RNF220: variants seen among roughly 807,000 people sequenced by gnomAD.
RNF220 encodes ring finger protein 220.
RNF220 carries 7 observed loss-of-function variants against 67.1 expected under a neutral mutation model. The ratio of observed to expected loss-of-function variants is 0.10; its 90% confidence interval spans 0.06 to 0.20. The LOEUF is 0.20. Ranked by LOEUF, RNF220 falls within the 10% of genes least tolerant of loss-of-function variation. The pLI is 1.00. For missense variants in RNF220, 565 were observed against 740.3 expected (o/e 0.76, Z 2.75); for synonymous variants, 270 against 283.2 (o/e 0.95, Z 0.47).
chr1:44,623,001 G>A (rs557496168), intron 4 of RNF220, among the ~76,000 whole-genome samples: 1 of 152,292 alleles, frequency 6.6e-6, no homozygotes, highest in Admixed American at 6.5e-5. Context: ...ATGAGTGAGA[G>A]TATGCTCATC....
At chr1:44,644,623 T>G in intron 8 of RNF220, 75 bp from the exon 9 acceptor site, 3 of 1,172,362 alleles carry the variant, frequency 2.6e-6, no homozygotes, top group South Asian at 2.5e-5. Flanking sequence ...GCCTAACCCC[T>G]ACCTGGAGGC....
At chr1:44,504,236 T>G (rs1658208988) in intron 2 of RNF220, among the ~76,000 whole-genome samples, 1 of 152,186 alleles carries the variant, frequency 6.6e-6, no homozygotes, top group Non-Finnish European at 1.5e-5. Context: ...CTTGGTTAGA[T>G]CTTCCTGATG....
intron 8 of RNF220, among the ~76,000 whole-genome samples, chr1:44,639,810 T>A (rs1644436234): frequency 6.6e-6 from 1 of 152,122 alleles, no homozygotes; most frequent in Non-Finnish European, 1.5e-5. Flanking sequence ...TGAGACAGAG[T>A]CTCACTTTTT....
chr1:44,628,348 G>A (rs1182138700), intron 5 of RNF220, among the ~76,000 whole-genome samples: 1 of 152,226 alleles, frequency 6.6e-6, no homozygotes, highest in Non-Finnish European at 1.5e-5. Flanking sequence ...TATGAGGAAA[G>A]CTATGGACTC....
chr1:44,573,087 A>C (rs1572918683), intron 2 of RNF220: 1 of 189,702 alleles, frequency 5.3e-6, no homozygotes, highest in East Asian at 1.8e-4. Context: ...TAATTATAAT[A>C]TGATAATGAT....
intron 2 of RNF220, among the ~76,000 whole-genome samples, chr1:44,597,103 G>C (rs1033238823): frequency 6.6e-6 from 1 of 152,162 alleles, no homozygotes; most frequent in Non-Finnish European, 1.5e-5. Flanking sequence ...CTGTGCTATA[G>C]AGTGCATCCA....
chr1:44,591,959 A>G (rs570005934), intron 2 of RNF220, among the ~76,000 whole-genome samples: 59 of 152,080 alleles, frequency 3.9e-4, no homozygotes, highest in African/African-American at 1.4e-3. Context: ...TCACAGTGGT[A>G]TCTTAGGTGC....
chr1:44,449,204 G>A (rs1410691673), intron 2 of RNF220, among the ~76,000 whole-genome samples: 1 of 152,180 alleles, frequency 6.6e-6, no homozygotes, highest in Non-Finnish European at 1.5e-5. Flanking sequence ...CTTTCTTTGT[G>A]TGAGGAAATA....
rs1017212549 is a variant in RNF220 at position 44,547,434 on chromosome 1, C to T, written c.626-66731C>T. On this transcript the variant is annotated intron_variant, in intron 2 of 14. Transcript: ENST00000361799. Reference sequence around the variant, plus strand: ...GTTCACCCTTCTTAACATCTCTTCGCCTAACCCTGCGGTCACCCTCCTGAA... The same window carrying T: ...GTTCACCCTTCTTAACATCTCTTCGTCTAACCCTGCGGTCACCCTCCTGAA... Among the ~76,000 whole-genome samples, 10 of 152,166 alleles carry T rather than the reference C, an allele frequency of 6.6e-5. No homozygotes were observed. In the East Asian group the frequency reaches 1.5e-3, roughly 23 times the overall value.
At chr1:44,533,942 G>A (rs746733) in intron 2 of RNF220, among the ~76,000 whole-genome samples, 23,692 of 152,212 alleles carry the variant, frequency 0.16, 2,193 homozygotes, top group Middle Eastern at 0.29. Context: ...AAGGAGGTGG[G>A]TGCCACTTCA....
chr1:44,594,246 C>A (rs1048726347), intron 2 of RNF220, among the ~76,000 whole-genome samples: 1 of 152,086 alleles, frequency 6.6e-6, no homozygotes, highest in Admixed American at 6.5e-5. Flanking sequence ...AAAAGAAAAG[C>A]CCTGGAGGGC....
chr1:44,643,910 T>C (rs876511), intron 8 of RNF220: 34,921 of 153,324 alleles, frequency 0.23, 5,292 homozygotes, highest in Middle Eastern at 0.34. Context: ...CCCCAGCAGC[T>C]CGCCCCTCCC....
intron 8 of RNF220, 151 bp downstream of exon 8, chr1:44,636,313 C>G (rs987771281): frequency 1.0e-6 from 1 of 957,454 alleles, no homozygotes; most frequent in East Asian, 2.6e-5. Context: ...CCTTTGTGAC[C>G]GTGCTGCCTG....
chr1:44,424,171 AATG>A (rs1340266403), intron 2 of RNF220: 1 of 243,100 alleles, frequency 4.1e-6, no homozygotes, highest in Non-Finnish European at 6.6e-6. Flanking sequence ...ATGAAAAAGA[AATG>A]ATAATGTAAA....
chr1:44,651,058 G>A lies in RNF220; in HGVS notation c.*283G>A. The A allele has an allele frequency of 2.2e-6, 1 of 464,672 alleles. No individual in the cohort carries two copies. Among genetic ancestry groups the A allele is most frequent in the East Asian group, 4.1e-5 (1 of 24,322 alleles). The allele number at this position is 464,672 out of a possible 1,614,324, so 28.8% of individuals were successfully genotyped here. ...TGGGGCAGGGAGGTGGGGGTTGGGG[G>A]AGTAGTGGGGCACGGCTCCTAAGAT... On this transcript the variant is annotated 3_prime_UTR_variant, in exon 15 of 15. Transcript: ENST00000361799.
At chr1:44,590,571 C>T (rs1407409116) in intron 2 of RNF220, among the ~76,000 whole-genome samples, 3 of 152,188 alleles carry the variant, frequency 2.0e-5, no homozygotes, top group Admixed American at 2.0e-4. Flanking sequence ...CTGCTGTGTC[C>T]GGTTCCCCGC....
chr1:44,548,223 C>T (rs1306074487), intron 2 of RNF220, among the ~76,000 whole-genome samples: 1 of 152,168 alleles, frequency 6.6e-6, no homozygotes, highest in Non-Finnish European at 1.5e-5. Context: ...CTTATACTGT[C>T]TAAAAAATCC....
intron 2 of RNF220, among the ~76,000 whole-genome samples, chr1:44,434,390 A>C (rs1465232666): frequency 2.6e-5 from 4 of 152,128 alleles, no homozygotes; most frequent in Non-Finnish European, 5.9e-5. Context: ...AACATAAATC[A>C]CCATGTTGTG....
At chr1:44,569,853 T>A (rs1664305759) in intron 2 of RNF220, among the ~76,000 whole-genome samples, 1 of 152,228 alleles carries the variant, frequency 6.6e-6, no homozygotes, top group South Asian at 2.1e-4. Flanking sequence ...AGACGCCCTC[T>A]ACCCGCATCG....
Sources: allele counts gnomAD v4.1 joint callset (sites outside exome capture counted in the v4.1 genomes callset), GRCh38; gene constraint gnomAD v4.1.1; transcripts MANE v1.5; gene names NCBI Gene and HGNC (gene_info 2026-07-23, HGNC 2026-07-21).